SLC22A3: variants seen among roughly 807,000 people sequenced by gnomAD.
SLC22A3 encodes the protein solute carrier family 22 member 3.
A neutral mutation model predicts 59.1 loss-of-function variants in SLC22A3; 51 were observed. The ratio of observed to expected loss-of-function variants is 0.86; its 90% CI spans 0.69 to 1.09. The LOEUF (loss-of-function observed/expected upper bound fraction) is 1.09, where lower values mean the gene tolerates loss of function less well. Ranked by LOEUF, SLC22A3 falls within the 50% of genes least tolerant of loss-of-function variation. The pLI is 0.00. For missense variants in SLC22A3, 711 were observed against 726.3 expected (o/e 0.98, Z 0.24); for synonymous variants, 325 against 292.0 (o/e 1.11, Z -1.15).
intron 1 of SLC22A3, among the ~76,000 whole-genome samples, chr6:160,350,044 C>G (rs1001118866): frequency 1.3e-5 from 2 of 152,254 alleles, no homozygotes; most frequent in Admixed American, 6.5e-5. Context: ...GTTTTATACG[C>G]CATGTGCTGG....
Position 160,348,760 on chromosome 6 carries a change from T to C in SLC22A3, c.341T>C (p.Leu114Pro). ...ATSALSCADP[L>P]AAFPNRSAPL... ...AGCGCTCTCAGCTGCGCGGACCCAC[T>C]CGCCGCCTTCCCCAACCGCTCGGCT... is the stretch of plus-strand genomic sequence containing the variant. Residue 114 changes from leucine to proline, a missense_variant, in exon 1 of 11, where the codon CTC (leucine) becomes CCC (proline). Physicochemically the swap from Leu to Pro is moderately conservative, Grantham distance 98. Coordinates refer to ENST00000275300, the MANE Select transcript of SLC22A3 (RefSeq NM_021977.4). 20 of 1,542,372 alleles carry C rather than the reference T, an allele frequency of 1.3e-5. No individual in the cohort carries two copies. The highest frequency in any genetic ancestry group is 1.7e-5 in the Non-Finnish European group (20 of 1,150,296).
chr6:160,414,950 A>T (rs1787417693), intron 5 of SLC22A3, among the ~76,000 whole-genome samples: 2 of 152,204 alleles, frequency 1.3e-5, no homozygotes, highest in African/African-American at 4.8e-5. Flanking sequence ...AGAGTCTGCC[A>T]CCCTCTAGTA....
intron 5 of SLC22A3, among the ~76,000 whole-genome samples, chr6:160,425,147 AT>A (rs1787900516): frequency 6.6e-6 from 1 of 152,174 alleles, no homozygotes; most frequent in Non-Finnish European, 1.5e-5. Flanking sequence ...AACTTGGTAC[AT>A]TTTGTTGTCT....
At chr6:160,427,147 A>G (rs1416415448) in intron 5 of SLC22A3, among the ~76,000 whole-genome samples, 1 of 152,146 alleles carries the variant, frequency 6.6e-6, no homozygotes, top group Non-Finnish European at 1.5e-5. Context: ...GCAATGGAAG[A>G]GATGCTTGTG....
intron 1 of SLC22A3, among the ~76,000 whole-genome samples, chr6:160,350,752 C>T (rs1239611723): frequency 6.6e-6 from 1 of 152,184 alleles, no homozygotes; most frequent in Non-Finnish European, 1.5e-5. Flanking sequence ...TGGAAGCATT[C>T]TGGAGTTGCA....
intron 1 of SLC22A3, among the ~76,000 whole-genome samples, chr6:160,370,587 T>C (rs1349328889): frequency 6.6e-6 from 1 of 152,262 alleles, no homozygotes; most frequent in Admixed American, 6.5e-5. Context: ...AGTTATACTA[T>C]ACTCTCTATT....
rs1335817907 is a variant in SLC22A3, at chr6:160,408,809, T to G, written c.745T>G (p.Phe249Val). The change falls in exon 4 of 11, where the codon TTC becomes GTC. Residue 249 changes from phenylalanine to valine, a missense_variant. Physicochemically the swap from Phe to Val is conservative, Grantham distance 50. Transcript: ENST00000275300. ...GATTGTGGGAATCGTGATTCAAATG[T>G]TCTTTACCCTTGGAATCATAATTCT... ...RRIVGIVIQM[F>V]FTLGIIILPG... The G allele has an allele frequency of 3.7e-6, 6 of 1,613,820 alleles. No individual in the cohort carries two copies. Among genetic ancestry groups the G allele is most frequent in the Middle Eastern group, 1.7e-4 (1 of 6,058 alleles).
intron 2 of SLC22A3, among the ~76,000 whole-genome samples, chr6:160,404,184 TAAC>T (rs201976390): frequency 2.6e-5 from 3 of 116,450 alleles, no homozygotes; most frequent in South Asian, 6.5e-4. Context: ...TCAAAAGAAT[TAAC>T]AACAACAACA....
At chr6:160,377,842 T>G (rs1469222056) in intron 1 of SLC22A3, among the ~76,000 whole-genome samples, 1 of 152,266 alleles carries the variant, frequency 6.6e-6, no homozygotes, top group Non-Finnish European at 1.5e-5. Context: ...AAGATTTTTG[T>G]TTCTTTGAAT....
At chr6:160,432,398 CTTTT>C (rs777727391) in intron 5 of SLC22A3, among the ~76,000 whole-genome samples, 16 of 144,194 alleles carry the variant, frequency 1.1e-4, no homozygotes, top group Non-Finnish European at 1.8e-4. Flanking sequence ...TAAAAGTGAG[CTTTT>C]TTTTTTGTTA....
chr6:160,382,643 A>G (rs906802401), intron 1 of SLC22A3, among the ~76,000 whole-genome samples: 5 of 152,166 alleles, frequency 3.3e-5, no homozygotes, highest in African/African-American at 1.2e-4. Context: ...ATGCAAGGAA[A>G]CCAGGAATGT....
chr6:160,447,835 A>G lies in SLC22A3; in HGVS notation c.1610+17A>G. On this transcript the variant is annotated intron_variant, in intron 10 of 10. Coordinates refer to ENST00000275300, the MANE Select transcript of SLC22A3 (RefSeq NM_021977.4). ...ACTTGGCAGGTACTGTACAAAATTC[A>G]ATGCACCCTAAATAAAAGCAATATT... The G allele has an allele frequency of 6.4e-7, 1 of 1,561,526 alleles. No homozygotes were observed. The highest frequency in any genetic ancestry group is 8.8e-7 in the Non-Finnish European group (1 of 1,131,856).
At chr6:160,355,604 A>C (rs1784808668) in intron 1 of SLC22A3, among the ~76,000 whole-genome samples, 1 of 151,576 alleles carries the variant, frequency 6.6e-6, no homozygotes, top group Non-Finnish European at 1.5e-5. Context: ...TACTAAAAAA[A>C]AAAAAAATAC....
chr6:160,398,313 G>A (rs1222364829), intron 2 of SLC22A3, among the ~76,000 whole-genome samples: 2 of 152,128 alleles, frequency 1.3e-5, no homozygotes, highest in Non-Finnish European at 2.9e-5. Flanking sequence ...GTTCCCGGTA[G>A]GACTGAGAGC....
At chr6:160,428,333 A>G (rs113792827) in intron 5 of SLC22A3, among the ~76,000 whole-genome samples, 97 of 152,210 alleles carry the variant, frequency 6.4e-4, no homozygotes, top group African/African-American at 2.1e-3. Context: ...CTAATGGAAT[A>G]AAATATCTTC....
At chr6:160,450,469 G>C (rs986554560) in intron 10 of SLC22A3, among the ~76,000 whole-genome samples, 2 of 151,896 alleles carry the variant, frequency 1.3e-5, no homozygotes, top group African/African-American at 4.9e-5. Flanking sequence ...ATTTCATATT[G>C]TTCAAACACA....
intron 1 of SLC22A3, among the ~76,000 whole-genome samples, chr6:160,392,262 CTTCTTTTTCCTTTGAT>C (rs1786290900): frequency 6.6e-6 from 1 of 152,182 alleles, no homozygotes; most frequent in South Asian, 2.1e-4. Context: ...CTTCAGTGCC[CTTCTTTTTCCTTTGAT>C]TTCTACCTAA....
chr6:160,425,091 T>G (rs1477923786), intron 5 of SLC22A3, among the ~76,000 whole-genome samples: 2 of 152,170 alleles, frequency 1.3e-5, no homozygotes, highest in African/African-American at 2.4e-5. Context: ...CAACTTCATG[T>G]AGGGTTGCTT....
intron 2 of SLC22A3, among the ~76,000 whole-genome samples, chr6:160,401,454 T>A (rs1010446461): frequency 6.6e-6 from 1 of 152,006 alleles, no homozygotes; most frequent in Non-Finnish European, 1.5e-5. Context: ...TGTGCAAAGT[T>A]ATCATTTAAA....
Sources: allele counts gnomAD v4.1 joint callset (sites outside exome capture counted in the v4.1 genomes callset), GRCh38; gene constraint gnomAD v4.1.1; transcripts MANE v1.5; gene names NCBI Gene and HGNC (gene_info 2026-07-23, HGNC 2026-07-21).